H2BC4: variants seen among roughly 807,000 people sequenced by gnomAD.
The protein encoded by H2BC4 is H2B clustered histone 4.
In H2BC4, 10 loss-of-function variants were observed where a neutral mutation model predicts 6.2. That is an observed-to-expected ratio of 1.61 (90% CI 0.99 to 2.73). H2BC4 has a LOEUF of 2.73. H2BC4 is among the 30% of genes most tolerant of loss of function. The probability of loss-of-function intolerance (pLI) is 0.00; values close to 1 mark genes in which losing one functional copy is unlikely to be tolerated. For missense variants in H2BC4, 176 were observed against 168.7 expected, an observed-to-expected ratio of 1.04 and a Z score of -0.24; for synonymous variants, 146 against 70.7, an observed-to-expected ratio of 2.07 and a Z score of -5.35.
chr6:26,115,218 T>A (rs1028533485), intron 1 of H2BC4: 3 of 152,266 alleles, frequency 2.0e-5, no homozygotes, highest in Non-Finnish European at 4.4e-5. Context: ...AGAACAATGA[T>A]AATGATGATG....
downstream of H2BC4, among the ~76,000 whole-genome samples, chr6:26,114,664 A>T (rs1014805134): frequency 6.6e-6 from 1 of 152,038 alleles, no homozygotes; most frequent in East Asian, 1.9e-4. Context: ...CTATAATATA[A>T]TGCATAAAAA....
chr6:26,123,500 T>A lies in H2BC4; in HGVS notation c.*24A>T, dbSNP rs763981422. The stretch of plus-strand genomic sequence containing the variant: ...TCTTAAAAGAGCCTTTGGGGTTAGG[T>A]GTTAAGACGCTTACTTGGAATGTTT... On this transcript the variant is annotated 3_prime_UTR_variant, in exon 1 of 1. Coordinates refer to ENST00000396984, the MANE Select transcript of H2BC4 (RefSeq NM_003526.3). 2 of 1,614,108 alleles carry A rather than the reference T, an allele frequency of 1.2e-6. No individual in the cohort carries two copies. Among genetic ancestry groups the A allele is most frequent in the Non-Finnish European group, 1.7e-6 (2 of 1,180,006 alleles).
downstream of H2BC4, among the ~76,000 whole-genome samples, chr6:26,119,629 A>G (rs1763472198): frequency 6.6e-6 from 1 of 152,098 alleles, no homozygotes; most frequent in Non-Finnish European, 1.5e-5. Flanking sequence ...ATGTTAACTC[A>G]TGTAACCAGT....
rs779463146 is a variant in H2BC4, at chr6:26,123,502, TTAAGACGCTTACTTG to T, written c.*7_*21del. On this transcript the variant is annotated 3_prime_UTR_variant, in exon 1 of 1. Transcript: ENST00000396984. ...TTAAAAGAGCCTTTGGGGTTAGGTG[TTAAGACGCTTACTTG>T]GAATGTTTACTTGGAGCTGGTGTAC... 6.2e-7 allele frequency: 1 copy of T among 1,614,196 alleles called. No homozygotes were observed. Among genetic ancestry groups the T allele is most frequent in the Non-Finnish European group, 8.5e-7 (1 of 1,180,026 alleles).
downstream of H2BC4, among the ~76,000 whole-genome samples, chr6:26,113,314 A>G (rs62396167): frequency 0.096 from 14,683 of 152,328 alleles, 916 homozygotes; most frequent in South Asian, 0.2. Flanking sequence ...GTTAAGTGGT[A>G]AACATAGTTT....
downstream of H2BC4, among the ~76,000 whole-genome samples, chr6:26,121,887 T>C (rs1435043478): frequency 6.6e-6 from 1 of 151,944 alleles, no homozygotes; most frequent in Non-Finnish European, 1.5e-5. Context: ...ACCTCGTCTC[T>C]ACTAAAAATA....
chr6:26,122,095 G>A (rs1005849202), downstream of H2BC4, among the ~76,000 whole-genome samples: 3 of 151,726 alleles, frequency 2.0e-5, no homozygotes, highest in Non-Finnish European at 4.4e-5. Flanking sequence ...ACTTGTGAGG[G>A]ACTCTGGAAA....
chr6:26,116,166 T>A (rs1187874427), intron 1 of H2BC4, among the ~76,000 whole-genome samples: 1 of 152,198 alleles, frequency 6.6e-6, no homozygotes, highest in Non-Finnish European at 1.5e-5. Flanking sequence ...GGTAGCCTCC[T>A]CTACATAGGT....
At chr6:26,120,311 C>T (rs1242134880), downstream of H2BC4, among the ~76,000 whole-genome samples, 13 of 151,982 alleles carry the variant, frequency 8.6e-5, no homozygotes, top group Admixed American at 8.5e-4. Flanking sequence ...ATTAGCCAGG[C>T]GTGGTGGTGC....
chr6:26,117,670 G>A (rs1324866132), intron 1 of H2BC4, among the ~76,000 whole-genome samples: 1 of 152,152 alleles, frequency 6.6e-6, no homozygotes, highest in Non-Finnish European at 1.5e-5. Context: ...GTCAAACTGT[G>A]ACTGAAAGAC....
At chr6:26,118,523 A>T (rs1763453981), downstream of H2BC4, among the ~76,000 whole-genome samples, 1 of 152,196 alleles carries the variant, frequency 6.6e-6, no homozygotes, top group Non-Finnish European at 1.5e-5. Flanking sequence ...AATATAACTG[A>T]GATTTGTTTA....
downstream of H2BC4, among the ~76,000 whole-genome samples, chr6:26,113,263 C>T (rs907109848): frequency 2.0e-5 from 3 of 152,226 alleles, no homozygotes; most frequent in African/African-American, 7.2e-5. Context: ...ACAAACCCCT[C>T]CAAGACTATA....
intron 1 of H2BC4, among the ~76,000 whole-genome samples, chr6:26,115,902 C>A (rs903248371): frequency 2.0e-5 from 3 of 152,068 alleles, no homozygotes; most frequent in Non-Finnish European, 4.4e-5. Context: ...ACAAAAGGGG[C>A]ACATTTTAAT....
Position 26,123,688 on chromosome 6 carries a change from G to T in H2BC4, c.217C>A (p.Arg73Ser). 6.2e-7 allele frequency: 1 copy of T among 1,614,254 alleles called. No homozygotes were observed. The highest frequency in any genetic ancestry group is 8.5e-7 in the Non-Finnish European group (1 of 1,180,048). The change falls in exon 1 of 1, where the codon CGC becomes AGC. Residue 73 changes from arginine (R) to serine (S), a missense_variant. By Grantham distance (110) the Arg-to-Ser change is moderately radical (BLOSUM62 -1). Transcript: ENST00000396984. ...MNSFVNDIFE[R>S]IAGEASRLAH... is the part of the protein sequence containing the mutation. ...AGGCGGGAAGCCTCGCCCGCGATGCGCTCAAATATGTCGTTAACGAAAGAA... is the reference window on the plus strand; with the variant it reads ...AGGCGGGAAGCCTCGCCCGCGATGCTCTCAAATATGTCGTTAACGAAAGAA...
chr6:26,122,916 C>G (rs192513001), downstream of H2BC4, among the ~76,000 whole-genome samples: 86 of 152,226 alleles, frequency 5.6e-4, no homozygotes, highest in South Asian at 7.7e-3. Context: ...TCAAAACTGA[C>G]GCATATTAGG....
At chr6:26,117,521 C>T (rs760903496) in intron 1 of H2BC4, among the ~76,000 whole-genome samples, 2 of 152,134 alleles carry the variant, frequency 1.3e-5, no homozygotes, top group Non-Finnish European at 2.9e-5. Flanking sequence ...CATCATTGAG[C>T]AGTGCTGTGC....
At position 26,123,888 on chromosome 6, in the gene H2BC4, T is replaced by C. The variant is rs748963266; in HGVS notation, c.17A>G (p.Lys6Arg). 60 of 1,613,948 alleles carry C rather than the reference T, an allele frequency of 3.7e-5. No homozygotes were observed. Among genetic ancestry groups the C allele is most frequent in the Non-Finnish European group, 5.0e-5 (59 of 1,180,008 alleles). The change falls in exon 1 of 1, where the codon AAG becomes AGG. Residue 6 changes from lysine (K) to arginine (R), a missense_variant. Transcript: ENST00000396984. MPEPA[K>R]SAPAPKKGSK... Reference sequence around the variant, plus strand: ...GCCCTTCTTCGGGGCGGGAGCAGACTTGGCTGGCTCAGGCATCTTAAAACA... The same window carrying C: ...GCCCTTCTTCGGGGCGGGAGCAGACCTGGCTGGCTCAGGCATCTTAAAACA...
chr6:26,118,093 A>C (rs1287326760), intron 1 of H2BC4, among the ~76,000 whole-genome samples: 1 of 152,198 alleles, frequency 6.6e-6, no homozygotes, highest in East Asian at 1.9e-4. Context: ...AAAATATCTC[A>C]TAAAGGAGCA....
At chr6:26,115,295 A>T (rs1322372239) in intron 1 of H2BC4, among the ~76,000 whole-genome samples, 5 of 152,182 alleles carry the variant, frequency 3.3e-5, no homozygotes, top group African/African-American at 1.2e-4. Flanking sequence ...AATAGATACC[A>T]ATGCATTTAG....
Sources: gnomAD v4.1 joint callset for allele counts (sites outside exome capture counted in the v4.1 genomes callset) on GRCh38, gnomAD v4.1.1 for gene constraint, MANE v1.5 for transcripts, NCBI Gene and HGNC (gene_info 2026-07-23, HGNC 2026-07-21) for gene names.